BMP5: variants seen among roughly 807,000 people sequenced by gnomAD.
BMP5 encodes the protein bone morphogenetic protein 5.
In BMP5, 23 loss-of-function variants were observed where a neutral mutation model predicts 46.6. That is an observed-to-expected ratio of 0.49 (90% CI 0.35 to 0.70). BMP5 has a LOEUF of 0.70. Ranked by LOEUF, BMP5 falls within the 30% of genes least tolerant of loss-of-function variation. The probability of loss-of-function intolerance (pLI) is 0.00; values close to 1 mark genes in which losing one functional copy is unlikely to be tolerated. For missense variants in BMP5, 545 were observed against 565.6 expected, an observed-to-expected ratio of 0.96 and a Z score of 0.37; for synonymous variants, 204 against 191.9, an observed-to-expected ratio of 1.06 and a Z score of -0.52.
chr6:55,763,384 T>C (rs1582044455), intron 4 of BMP5, among the ~76,000 whole-genome samples: 2 of 152,156 alleles, frequency 1.3e-5, no homozygotes, highest in East Asian at 3.9e-4. Flanking sequence ...CAATGAAATG[T>C]ATAACAGAAT....
chr6:55,865,220 CA>C (rs2127554848), intron 1 of BMP5, among the ~76,000 whole-genome samples: 1 of 151,804 alleles, frequency 6.6e-6, no homozygotes, highest in Admixed American at 6.6e-5. Flanking sequence ...AAAAACTTTT[CA>C]TTTTTTTTTT....
intron 1 of BMP5, 27 bp from the exon 2 acceptor site, chr6:55,819,874 G>A (rs1776367946): frequency 3.2e-6 from 5 of 1,567,458 alleles, no homozygotes; most frequent in South Asian, 2.2e-5. Context: ...GGTTGAGGGG[G>A]AAAAAAGTTA....
intron 2 of BMP5, among the ~76,000 whole-genome samples, chr6:55,812,188 AG>A (rs1210956019): frequency 6.6e-6 from 1 of 152,246 alleles, no homozygotes; most frequent in Non-Finnish European, 1.5e-5. Context: ...AGATTAAATA[AG>A]TGAAATGATG....
chr6:55,755,546 C>T lies in BMP5; in HGVS notation c.1352G>A (p.Cys451Tyr). Residue 451 changes from cysteine (C) to tyrosine (Y), a missense_variant, in exon 7 of 7, where the codon TGT becomes TAT. Coordinates refer to ENST00000370830, the MANE Select transcript of BMP5 (RefSeq NM_021073.4). ...TATTATTTAATATTAGTGGCAGCCA[C>T]ATGAGCGTACTACCATATTTCTATA... ...KKYRNMVVRS[C>Y]GCH The T allele has an allele frequency of 1.9e-6, 3 of 1,610,160 alleles. No individual in the cohort carries two copies.
intron 1 of BMP5, among the ~76,000 whole-genome samples, chr6:55,853,108 G>A (rs62404982): frequency 0.072 from 10,380 of 143,822 alleles, 692 homozygotes; most frequent in African/African-American, 0.13. Flanking sequence ...TCCAGCCTGG[G>A]TTACAGAGGA....
chr6:55,857,807 C>T (rs909135612), intron 1 of BMP5, among the ~76,000 whole-genome samples: 1 of 148,458 alleles, frequency 6.7e-6, no homozygotes, highest in South Asian at 2.2e-4. Context: ...GGTGAGATCT[C>T]GGCTCACTGC....
intron 1 of BMP5, among the ~76,000 whole-genome samples, chr6:55,839,940 T>C (rs1235983538): frequency 6.6e-6 from 1 of 152,156 alleles, no homozygotes; most frequent in Non-Finnish European, 1.5e-5. Context: ...ATATATACTT[T>C]AGACACGTGC....
At chr6:55,766,138 G>T (rs973976276) in intron 4 of BMP5, among the ~76,000 whole-genome samples, 4 of 151,950 alleles carry the variant, frequency 2.6e-5, no homozygotes, top group African/African-American at 9.7e-5. Flanking sequence ...TTTAATCTAG[G>T]TATCCTGTTG....
chr6:55,852,683 A>G (rs1232548829), intron 1 of BMP5, among the ~76,000 whole-genome samples: 2 of 152,088 alleles, frequency 1.3e-5, no homozygotes, highest in African/African-American at 4.8e-5. Flanking sequence ...AATATTATCA[A>G]CTGTATACAG....
chr6:55,786,277 A>G (rs1775447481), intron 3 of BMP5, among the ~76,000 whole-genome samples: 1 of 151,826 alleles, frequency 6.6e-6, no homozygotes, highest in Admixed American at 6.6e-5. Context: ...GTATAAATAT[A>G]TGCTTAAAGA....
intron 5 of BMP5, 29 bp from the exon 6 acceptor site, chr6:55,759,144 CAAAAAAAAAAAAAA>C (rs754365141): frequency 7.1e-5 from 6 of 85,096 alleles, no homozygotes; most frequent in Non-Finnish European, 1.2e-4. Flanking sequence ...CACACACACA[CAAAAAAAAAAAAAA>C]AAAAAAAAAA....
At chr6:55,805,288 G>T (rs377418724) in intron 2 of BMP5, among the ~76,000 whole-genome samples, 47 of 152,100 alleles carry the variant, frequency 3.1e-4, no homozygotes, top group Middle Eastern at 6.8e-3. Context: ...TAACCTGTAG[G>T]TTTGTTACAT....
At chr6:55,787,907 T>C (rs1375949266) in intron 3 of BMP5, among the ~76,000 whole-genome samples, 1 of 151,616 alleles carries the variant, frequency 6.6e-6, no homozygotes, top group Non-Finnish European at 1.5e-5. Flanking sequence ...CCAGCATTTT[T>C]TGGGAAATAC....
At chr6:55,821,666 C>A (rs112244293) in intron 1 of BMP5, among the ~76,000 whole-genome samples, 84 of 152,234 alleles carry the variant, frequency 5.5e-4, no homozygotes, top group African/African-American at 1.9e-3. Flanking sequence ...GGACAAAAAA[C>A]CCATTTGTAA....
intron 2 of BMP5, among the ~76,000 whole-genome samples, chr6:55,813,304 A>C (rs1289793579): frequency 6.6e-6 from 1 of 152,056 alleles, no homozygotes; most frequent in Non-Finnish European, 1.5e-5. Context: ...AAATTTTAAA[A>C]ACACAGAAAG....
intron 4 of BMP5, among the ~76,000 whole-genome samples, chr6:55,766,032 G>T (rs753616930): frequency 6.6e-6 from 1 of 151,990 alleles, no homozygotes; most frequent in Non-Finnish European, 1.5e-5. Flanking sequence ...AGTCGTCCAG[G>T]CCAGAAAATT....
chr6:55,764,767 T>G (rs1013282977), intron 4 of BMP5, among the ~76,000 whole-genome samples: 1 of 148,838 alleles, frequency 6.7e-6, no homozygotes, highest in African/African-American at 2.5e-5. Context: ...AGTAGAATGG[T>G]GGTTACCAAA....
intron 2 of BMP5, among the ~76,000 whole-genome samples, chr6:55,818,068 A>G (rs1337210419): frequency 6.6e-6 from 1 of 152,188 alleles, no homozygotes; most frequent in Non-Finnish European, 1.5e-5. Context: ...ATACTGTGAT[A>G]ACATAAAGCC....
rs755595548 is a variant in BMP5, at chr6:55,794,447, CA to C, written c.684-21del. 9 of 1,612,008 alleles carry C rather than the reference CA, an allele frequency of 5.6e-6. No individual in the cohort carries two copies. The highest frequency in any genetic ancestry group is 1.3e-5 in the African/African-American group (1 of 74,746). ...GCATCCCTAAAAAGAAAAGGAACAA[CA>C]AAAAAAGTTAAAGGTTTAAATGAAC... is the stretch of plus-strand genomic sequence containing the variant. On this transcript the variant is annotated intron_variant, in intron 2 of 6. Coordinates refer to ENST00000370830, the MANE Select transcript of BMP5 (RefSeq NM_021073.4).
Sources: allele counts gnomAD v4.1 joint callset (sites outside exome capture counted in the v4.1 genomes callset), GRCh38; gene constraint gnomAD v4.1.1; transcripts MANE v1.5; gene names NCBI Gene and HGNC (gene_info 2026-07-23, HGNC 2026-07-21).